Variants in ADAMTS2 observed in about 807,000 individuals in gnomAD.
ADAMTS2 encodes A disintegrin and metalloproteinase with thrombospondin motifs 2.
In ADAMTS2, 50 loss-of-function variants were observed where a neutral mutation model predicts 123.0. The ratio of observed to expected loss-of-function variants is 0.41; its 90% CI spans 0.32 to 0.51. The LOEUF (loss-of-function observed/expected upper bound fraction) is 0.51, where lower values mean the gene tolerates loss of function less well. Ranked by LOEUF, ADAMTS2 falls within the 20% of genes least tolerant of loss-of-function variation. The probability of loss-of-function intolerance (pLI) is 0.35; values close to 1 mark genes in which losing one functional copy is unlikely to be tolerated. For missense variants in ADAMTS2, 1,494 were observed against 1,705.2 expected (o/e 0.88, Z 2.18); for synonymous variants, 678 against 695.4 (o/e 0.98, Z 0.39).
chr5:179,223,592 ACG>A (rs1765195208), intron 3 of ADAMTS2, among the ~76,000 whole-genome samples: 1 of 140,220 alleles, frequency 7.1e-6, no homozygotes, highest in Non-Finnish European at 1.6e-5. Flanking sequence ...GCATGCACTC[ACG>A]CGTGAATGCA....
At chr5:179,289,453 G>A (rs974881665) in intron 2 of ADAMTS2, among the ~76,000 whole-genome samples, 3 of 152,090 alleles carry the variant, frequency 2.0e-5, no homozygotes, top group South Asian at 2.1e-4. Flanking sequence ...AAACCCCATC[G>A]GCAACAGCAC....
At chr5:179,138,790 CCT>C (rs1213600516) in intron 11 of ADAMTS2, among the ~76,000 whole-genome samples, 1 of 152,178 alleles carries the variant, frequency 6.6e-6, no homozygotes. Flanking sequence ...GACTGCGGGT[CCT>C]CTCTGGCTCC....
Position 179,128,177 on chromosome 5 carries a change from C to A in ADAMTS2, c.2458-59G>T. 6.2e-7 allele frequency: 1 copy of A among 1,603,846 alleles called. No homozygotes were observed. The highest frequency in any genetic ancestry group is 1.1e-5 in the South Asian group (1 of 90,604). On this transcript the variant is annotated intron_variant, in intron 16 of 21. Coordinates refer to ENST00000251582, the MANE Select transcript of ADAMTS2 (RefSeq NM_014244.5). The surrounding 1 kb of genome is among the most constrained non-coding windows in gnomAD (Gnocchi z 4.9). ...CTGCCCTCCATGCTTCCTCCCCAGC[C>A]AGCTTAGGAACGGCAGCTGAGGCCG...
intron 2 of ADAMTS2, among the ~76,000 whole-genome samples, chr5:179,327,303 G>A (rs1037742252): frequency 2.6e-5 from 4 of 152,082 alleles, no homozygotes; most frequent in Non-Finnish European, 4.4e-5. Context: ...CTCAAAACAG[G>A]GCTCCTCAGT....
At position 179,114,312 on chromosome 5, in the gene ADAMTS2, T is replaced by TCAGAG. The variant is rs1762624173; in HGVS notation, c.3190_3191insCTCTG (p.Gln1064ProfsTer45). On this transcript the variant is annotated frameshift_variant, in exon 22 of 22. Coordinates refer to ENST00000251582, the MANE Select transcript of ADAMTS2 (RefSeq NM_014244.5). LOFTEE classifies it high-confidence loss of function. The stretch of plus-strand genomic sequence containing the variant: ...CCTACAGAATATTGACTTGTCGCCT[T>TCAGAG]GGCAGTGGCCCTCTGAAAAAGAAAA... The TCAGAG allele has an allele frequency of 1.9e-6, 3 of 1,613,810 alleles. No individual in the cohort carries two copies. Among genetic ancestry groups the TCAGAG allele is most frequent in the Non-Finnish European group, 2.5e-6 (3 of 1,179,986 alleles).
At chr5:179,182,792 C>A (rs889568494) in intron 4 of ADAMTS2, among the ~76,000 whole-genome samples, 1 of 152,132 alleles carries the variant, frequency 6.6e-6, no homozygotes, top group South Asian at 2.1e-4. Context: ...GGCTGGTCAC[C>A]GTGGCTCCGG....
intron 3 of ADAMTS2, among the ~76,000 whole-genome samples, chr5:179,222,581 T>C (rs954937851): frequency 3.3e-5 from 5 of 152,200 alleles, no homozygotes. Context: ...GCAGAAACTA[T>C]AGAAATCATC....
intron 4 of ADAMTS2, among the ~76,000 whole-genome samples, chr5:179,204,048 G>A (rs1386694204): frequency 6.6e-6 from 1 of 152,246 alleles, no homozygotes; most frequent in Non-Finnish European, 1.5e-5. Flanking sequence ...ATGCTGCAAT[G>A]TGGATGGCCC....
chr5:179,226,682 G>A (rs989939492), intron 3 of ADAMTS2, among the ~76,000 whole-genome samples: 8 of 152,142 alleles, frequency 5.3e-5, no homozygotes, highest in African/African-American at 1.9e-4. Flanking sequence ...TGAGAGAAAC[G>A]GATCCAGCCA....
At chr5:179,186,313 ACCCACAGT>A (rs1393234381) in intron 4 of ADAMTS2, among the ~76,000 whole-genome samples, 6 of 152,118 alleles carry the variant, frequency 3.9e-5, no homozygotes, top group Non-Finnish European at 8.8e-5. Context: ...GCAAAGTCCA[ACCCACAGT>A]CCGGGGCCGG....
chr5:179,167,841 G>A (rs879383946), intron 5 of ADAMTS2, among the ~76,000 whole-genome samples: 4 of 152,238 alleles, frequency 2.6e-5, no homozygotes, highest in Admixed American at 6.5e-5. Flanking sequence ...CAGGCAGGGT[G>A]CAGTCAGCGC....
chr5:179,153,397 G>T, intron 9 of ADAMTS2, 94 bp downstream of exon 9: 1 of 1,574,482 alleles, frequency 6.4e-7, no homozygotes, highest in East Asian at 2.3e-5. Context: ...TCCCCACACT[G>T]GGCCGGTCCT....
In ADAMTS2 at chr5:179,312,698, C is replaced by T. The variant is rs1756866878; in HGVS notation, c.534+31069G>A. Reference sequence around the variant, plus strand: ...GCAGAGGGAGATGGAGGATGTCGGCCCTGAAGCCCAGAGCGAAGAGGCCAC... The same window carrying T: ...GCAGAGGGAGATGGAGGATGTCGGCTCTGAAGCCCAGAGCGAAGAGGCCAC... On this transcript the variant is annotated intron_variant, in intron 2 of 21. Transcript: ENST00000251582. The surrounding 1 kb of genome is among the most constrained non-coding windows in gnomAD (Gnocchi z 4.2). 6.6e-6 allele frequency among the ~76,000 whole-genome samples: 1 copy of T among 152,108 alleles called. No homozygotes were observed.
intron 2 of ADAMTS2, among the ~76,000 whole-genome samples, chr5:179,275,279 A>T (rs248184): frequency 3.3e-5 from 5 of 151,992 alleles, no homozygotes; most frequent in African/African-American, 1.2e-4. Context: ...CGGGAGCATG[A>T]GAGACAAGGA....
chr5:179,248,560 G>C (rs1307395308), intron 3 of ADAMTS2, among the ~76,000 whole-genome samples: 2 of 151,982 alleles, frequency 1.3e-5, no homozygotes, highest in Admixed American at 1.3e-4. Context: ...GAAATGCTAT[G>C]CAAATAGAAA....
intron 2 of ADAMTS2, among the ~76,000 whole-genome samples, chr5:179,335,905 T>C (rs1296941067): frequency 6.6e-6 from 1 of 152,240 alleles, no homozygotes; most frequent in Admixed American, 6.5e-5. Context: ...GCACCTCACC[T>C]GTTCACCAAC....
At chr5:179,122,549 CG>C (rs1554123604) in intron 20 of ADAMTS2, 94 bp downstream of exon 20, 2 of 1,499,588 alleles carry the variant, frequency 1.3e-6, no homozygotes, top group Non-Finnish European at 1.8e-6. Flanking sequence ...AGCTACTCTC[CG>C]GGAAGAGCCA....
rs566304067 is a variant in ADAMTS2, at chr5:179,285,022, G to C, written c.535-11958C>G. Among the ~76,000 whole-genome samples the C allele has an allele frequency of 2.0e-5, 3 of 152,114 alleles. No homozygotes were observed. Among genetic ancestry groups the C allele is most frequent in the South Asian group, 4.2e-4 (2 of 4,802 alleles). On this transcript the variant is annotated intron_variant, in intron 2 of 21. Transcript: ENST00000251582. The surrounding 1 kb of genome is among the most constrained non-coding windows in gnomAD (Gnocchi z 4.9). ...CAGGGTTGAATGGAGATAATAACAG[G>C]GTTTCCATGGCTGATGTGAGGGCTA...
At chr5:179,223,405 T>C (rs781507) in intron 3 of ADAMTS2, among the ~76,000 whole-genome samples, 135,216 of 149,500 alleles carry the variant, frequency 0.9, 61,196 homozygotes, top group East Asian at 0.97. Context: ...CACACACGCA[T>C]GCAGTCACAT....
Sources: gnomAD v4.1 joint callset for allele counts (sites outside exome capture counted in the v4.1 genomes callset) on GRCh38, gnomAD v4.1.1 for gene constraint, Gnocchi (gnomAD v3.1) non-coding constraint, MANE v1.5 for transcripts, NCBI Gene and HGNC (gene_info 2026-07-23, HGNC 2026-07-21) for gene names.